The following ANKRD31 variants were observed in gnomAD, a reference collection of about 807,000 sequenced individuals.
ANKRD31 encodes the protein ankyrin repeat domain 31, also known as ankyrin repeat domain-containing protein 31.
A neutral mutation model predicts 186.0 loss-of-function variants in ANKRD31; 147 were observed. The observed-to-expected ratio is 0.79, with a 90% CI of 0.69 to 0.91. The LOEUF (loss-of-function observed/expected upper bound fraction) is 0.91. ANKRD31 is among the 40% of genes least tolerant of loss of function. The pLI, the probability that ANKRD31 is intolerant of heterozygous loss-of-function variation, is 0.00. For missense variants in ANKRD31, 1,986 were observed against 2,148.8 expected (o/e 0.92, Z 1.50); for synonymous variants, 673 against 736.4 (o/e 0.91, Z 1.39).
chr5:75,157,284 T>G (rs1752249080), intron 11 of ANKRD31, among the ~76,000 whole-genome samples: 1 of 152,194 alleles, frequency 6.6e-6, no homozygotes, highest in African/African-American at 2.4e-5. Flanking sequence ...CCAGAAAGCC[T>G]AGATTTGTCC....
chr5:75,195,594 C>T (rs752214112), intron 7 of ANKRD31, 37 bp downstream of exon 7: 31 of 1,446,342 alleles, frequency 2.1e-5, no homozygotes, highest in Non-Finnish European at 5.5e-6. Context: ...GAACCATGTT[C>T]AAATGGTGGA....
chr5:75,071,124 GT>G (rs1744192822), intron 25 of ANKRD31, among the ~76,000 whole-genome samples: 2 of 151,998 alleles, frequency 1.3e-5, no homozygotes, highest in African/African-American at 4.8e-5. Context: ...AAAAGCTCAT[GT>G]TTTGGTAACA....
chr5:75,085,476 A>T (rs1182239325), intron 23 of ANKRD31, among the ~76,000 whole-genome samples: 1 of 151,970 alleles, frequency 6.6e-6, no homozygotes, highest in Non-Finnish European at 1.5e-5. Flanking sequence ...AGTTCAAGCA[A>T]TTCTCATGCC....
intron 25 of ANKRD31, among the ~76,000 whole-genome samples, chr5:75,071,351 C>A (rs970426202): frequency 2.4e-4 from 36 of 149,826 alleles, no homozygotes; most frequent in Non-Finnish European, 4.3e-4. Flanking sequence ...CATTATTTAG[C>A]AACACATTGA....
At chr5:75,227,289 G>T (rs548026356) in intron 2 of ANKRD31, among the ~76,000 whole-genome samples, 1 of 152,060 alleles carries the variant, frequency 6.6e-6, no homozygotes, top group African/African-American at 2.4e-5. Context: ...AAAATATTGC[G>T]GGCTGAGAAG....
intron 10 of ANKRD31, among the ~76,000 whole-genome samples, chr5:75,179,083 C>T (rs1754059864): frequency 6.6e-6 from 1 of 152,014 alleles, no homozygotes; most frequent in South Asian, 2.1e-4. Context: ...ATACAAACTA[C>T]CATCAGAGAA....
chr5:75,151,409 C>T (rs1446089957), intron 12 of ANKRD31, among the ~76,000 whole-genome samples: 1 of 151,962 alleles, frequency 6.6e-6, no homozygotes, highest in Non-Finnish European at 1.5e-5. Flanking sequence ...GTAATTGAAT[C>T]ATGGGGGCAG....
chr5:75,148,427 A>G (rs1390806538), intron 13 of ANKRD31, 149 bp downstream of exon 13: 1 of 539,772 alleles, frequency 1.9e-6, no homozygotes, highest in Non-Finnish European at 3.1e-6. Context: ...GAACCCTCTG[A>G]TTCTCATGCA....
intron 20 of ANKRD31, 131 bp from the exon 21 acceptor site, chr5:75,107,748 C>T: frequency 1.7e-6 from 1 of 573,932 alleles, no homozygotes; most frequent in Non-Finnish European, 3.0e-6. Flanking sequence ...ATTAATAGCC[C>T]AGATATCTCA....
At chr5:75,112,245 C>T (rs1291967614) in intron 20 of ANKRD31, among the ~76,000 whole-genome samples, 1 of 152,176 alleles carries the variant, frequency 6.6e-6, no homozygotes, top group Non-Finnish European at 1.5e-5. Context: ...CGCCCGCCAG[C>T]ATCTAGAAGT....
Position 75,146,865 on chromosome 5 carries a change from G to A in ANKRD31, c.2546C>T (p.Pro849Leu). 1 of 1,536,340 alleles carries A rather than the reference G, an allele frequency of 6.5e-7. No individual in the cohort carries two copies. The highest frequency in any genetic ancestry group is 1.7e-4 in the Middle Eastern group (1 of 5,978). Residue 849 changes from proline to leucine, a missense_variant, in exon 14 of 26, where the codon CCA (proline) becomes CTA (leucine). Transcript: ENST00000506364. ...GLLLHKEIKL[P>L]VVTTDKQPHT... ...AGGCTGCTTATCTGTAGTAACAACTGGTAACTTGATTTCTTTATGTAATAA... is the reference window on the plus strand; with the variant it reads ...AGGCTGCTTATCTGTAGTAACAACTAGTAACTTGATTTCTTTATGTAATAA...
intron 10 of ANKRD31, among the ~76,000 whole-genome samples, chr5:75,179,025 G>C (rs1246654493): frequency 1.3e-5 from 2 of 152,022 alleles, no homozygotes; most frequent in Non-Finnish European, 2.9e-5. Context: ...GAATCAAATA[G>C]ACGCAATAAA....
chr5:75,228,685 C>T (rs1221723404), intron 2 of ANKRD31, among the ~76,000 whole-genome samples: 1 of 152,020 alleles, frequency 6.6e-6, no homozygotes, highest in Non-Finnish European at 1.5e-5. Context: ...GGAACATGAC[C>T]TTTCATTTTC....
intron 20 of ANKRD31, among the ~76,000 whole-genome samples, chr5:75,111,420 G>C (rs1277185268): frequency 2.0e-5 from 3 of 151,996 alleles, no homozygotes; most frequent in African/African-American, 7.2e-5. Context: ...TTGTTTGGGG[G>C]TATGAATTAT....
chr5:75,076,323 G>T (rs1744647300), intron 25 of ANKRD31, among the ~76,000 whole-genome samples: 1 of 152,128 alleles, frequency 6.6e-6, no homozygotes, highest in Non-Finnish European at 1.5e-5. Flanking sequence ...AAATTAGAGG[G>T]TTTCCATAGT....
intron 10 of ANKRD31, among the ~76,000 whole-genome samples, chr5:75,182,744 G>T (rs1325642462): frequency 6.6e-6 from 1 of 151,064 alleles, no homozygotes; most frequent in Non-Finnish European, 1.5e-5. Context: ...AGACTAAAAT[G>T]TCTACTATAG....
chr5:75,138,755 C>A, intron 16 of ANKRD31, 91 bp downstream of exon 16: 1 of 1,315,874 alleles, frequency 7.6e-7, no homozygotes, highest in Non-Finnish European at 1.0e-6. Flanking sequence ...TACATATCAG[C>A]CAGGAACAAA....
Position 75,146,925 on chromosome 5 carries a change from A to ATT in ANKRD31, c.2485_2486insAA (p.Val829GlufsTer67). ...GAAAGAAACAGCTTCAGTTTGGTCA[A>ATT]CAGATTCTAATTCCAAGCATTGAAC... On this transcript the variant is annotated frameshift_variant, in exon 14 of 26. Coordinates refer to ENST00000506364, the MANE Select transcript of ANKRD31 (RefSeq NM_001372053.1). LOFTEE classifies it high-confidence loss of function. 6.5e-7 allele frequency: 1 copy of ATT among 1,536,414 alleles called. No individual in the cohort carries two copies.
At chr5:75,110,964 C>T (rs1747733932) in intron 20 of ANKRD31, among the ~76,000 whole-genome samples, 1 of 151,264 alleles carries the variant, frequency 6.6e-6, no homozygotes, top group Non-Finnish European at 1.5e-5. Flanking sequence ...ATAGTTACAA[C>T]TCTGTTAATC....
Sources: gnomAD v4.1 joint callset for allele counts (sites outside exome capture counted in the v4.1 genomes callset) on GRCh38, gnomAD v4.1.1 for gene constraint, MANE v1.5 for transcripts, NCBI Gene and HGNC (gene_info 2026-07-23, HGNC 2026-07-21) for gene names.